POLR1C: variants seen among roughly 807,000 people sequenced by gnomAD.
POLR1C encodes the protein DNA-directed RNA polymerases I and III subunit RPAC1.
Under a neutral mutation model 38.3 loss-of-function variants are expected in POLR1C, and 42 were observed. The ratio of observed to expected loss-of-function variants is 1.10; its 90% CI spans 0.86 to 1.42. The LOEUF is 1.42. POLR1C is among the 40% of genes most tolerant of loss of function. The pLI is 0.00. For synonymous variants in POLR1C, 163 were observed against 163.9 expected (o/e 0.99, Z 0.04); for missense variants, 507 against 450.5 (o/e 1.13, Z -1.14).
intron 10 of POLR1C, among the ~76,000 whole-genome samples, chr6:43,552,769 G>A (rs1795310787): frequency 6.6e-6 from 1 of 152,178 alleles, no homozygotes; most frequent in South Asian, 2.1e-4. Context: ...TACTGATACA[G>A]TTGAGGCTCT....
rs1206744601 is a variant in POLR1C, at chr6:43,546,629, G to A, written c.*5-4339G>A. The A allele has an allele frequency of 3.1e-6, 5 of 1,613,896 alleles. No individual in the cohort carries two copies. The highest frequency in any genetic ancestry group is 1.6e-4 in the Middle Eastern group (1 of 6,062). On this transcript the variant is annotated intron_variant, in intron 9 of 10. Coordinates refer to the POLR1C transcript ENST00000607635. ...AGAATCTGCTCTGTGCAGGGGTTAC[G>A]GAAGATTGGATTTCCACTGGATGTA...
Position 43,517,126 on chromosome 6 carries a change from C to T in POLR1C, c.17C>T (p.Ala6Val), listed in dbSNP as rs769514514. ...AGATTGAAGATGGCGGCTTCTCAGG[C>T]GGTGGAGGAAATGCGGAGCCGCGTG... MAASQ[A>V]VEEMRSRVVL... The change falls in exon 1 of 9, where the codon GCG (alanine) becomes GTG (valine). Residue 6 changes from alanine to valine, a missense_variant. Physicochemically the swap from Ala to Val is moderately conservative, Grantham distance 64 (BLOSUM62 0). Coordinates refer to ENST00000642195, the MANE Select transcript of POLR1C (RefSeq NM_203290.4). 1.2e-6 allele frequency: 2 copies of T among 1,614,078 alleles called. No individual in the cohort carries two copies. Among genetic ancestry groups the T allele is most frequent in the Non-Finnish European group, 1.7e-6 (2 of 1,179,996 alleles).
chr6:43,537,974 A>G (rs1794445628), intron 9 of POLR1C, among the ~76,000 whole-genome samples: 1 of 149,350 alleles, frequency 6.7e-6, no homozygotes, highest in Admixed American at 6.7e-5. Context: ...AGGCTGAGGC[A>G]GTCGAGAGGC....
chr6:43,531,025 C>T (rs867963134), downstream of POLR1C, among the ~76,000 whole-genome samples: 16 of 152,196 alleles, frequency 1.1e-4, no homozygotes, highest in African/African-American at 3.9e-4. Context: ...GCTTTCATTA[C>T]TATTTAATGT....
Position 43,561,116 on chromosome 6 carries a change from C to CA in POLR1C, c.*49-280dup. Reference sequence around the variant, plus strand: ...ATTAAACCCTCAAAAAATGTTGTTTCAAAAGGACTTTGTATTTCCTTTTGG... The same window carrying CA: ...ATTAAACCCTCAAAAAATGTTGTTTCAAAAAGGACTTTGTATTTCCTTTTGG... On this transcript the variant is annotated intron_variant, in intron 10 of 10. Transcript: ENST00000607635. 5 of 923,628 alleles carry CA rather than the reference C, an allele frequency of 5.4e-6. No homozygotes were observed. The South Asian group carries it at 7.4e-5, about 14-fold the overall frequency. 57.2% of individuals were successfully genotyped at this position (923,628 alleles called of 1,614,324 possible).
Position 43,553,526 on chromosome 6 carries a change from T to TACACACACACAC in POLR1C, c.*48+2527_*48+2538dup, listed in dbSNP as rs111634867. On this transcript the variant is annotated intron_variant, in intron 10 of 10. Transcript: ENST00000607635. ...AAGCTTTAAAACACACACACACACA[T>TACACACACACAC]ACACACACACACACACACACACAAT... The TACACACACACAC allele has an allele frequency of 4.1e-6, 6 of 1,448,026 alleles. No individual in the cohort carries two copies. In the African/African-American group the frequency reaches 5.7e-5, roughly 14 times the overall value. 89.7% of individuals were successfully genotyped at this position (1,448,026 alleles called of 1,614,324 possible).
At chr6:43,535,682 C>T (rs1321926825) in intron 9 of POLR1C, among the ~76,000 whole-genome samples, 8 of 151,386 alleles carry the variant, frequency 5.3e-5, no homozygotes, top group South Asian at 2.1e-4. Flanking sequence ...GACATGGTGG[C>T]GGGCGCCTGT....
rs941228411 is a variant in POLR1C at position 43,529,000 on chromosome 6, G to A, written c.923-249G>A. 5.8e-6 allele frequency: 8 copies of A among 1,379,618 alleles called. No individual in the cohort carries two copies. In the African/African-American group the frequency reaches 8.7e-5, roughly 15 times the overall value. 85.5% of individuals were successfully genotyped at this position (1,379,618 alleles called of 1,614,324 possible). The stretch of plus-strand genomic sequence containing the variant: ...CTGCCAGGTGGTGGGTTGCACCCCT[G>A]GGCAGAATCAATCCCTAAAGGATTT... On this transcript the variant is annotated intron_variant, in intron 8 of 8. Transcript: ENST00000304004.
chr6:43,523,276 G>A (rs1246222019), downstream of POLR1C: 1 of 225,432 alleles, frequency 4.4e-6, no homozygotes, highest in African/African-American at 2.3e-5. Flanking sequence ...CCTGTACCAT[G>A]GATCCCATCA....
In POLR1C at chr6:43,557,127, C is replaced by CAAA. The variant is rs58974895; in HGVS notation, c.*49-4258_*49-4256dup. ...TGGGCGACAGAGCAAGACTCCATCT[C>CAAA]AAAAAAAAAAAAAAAAAGGCTGGGT... On this transcript the variant is annotated intron_variant, in intron 10 of 10. Transcript: ENST00000607635. 1.0e-3 allele frequency among the ~76,000 whole-genome samples: 64 copies of CAAA among 61,100 alleles called. 1 individual carries two copies. The highest frequency in any genetic ancestry group is 3.4e-3 in the African/African-American group (62 of 18,446). 40.1% of individuals were successfully genotyped at this position (61,100 alleles called of 152,430 possible).
downstream of POLR1C, chr6:43,526,189 C>T: frequency 2.1e-6 from 1 of 465,736 alleles, no homozygotes; most frequent in South Asian, 2.8e-5. Context: ...TGTTGTTGGA[C>T]AAATATTTGA....
intron 8 of POLR1C, chr6:43,527,562 T>A: frequency 6.7e-7 from 1 of 1,495,556 alleles, no homozygotes; most frequent in Non-Finnish European, 9.3e-7. Flanking sequence ...CAGGCCTTCA[T>A]GGAGTTGGCT....
chr6:43,520,081 C>A lies in POLR1C; in HGVS notation c.398C>A (p.Thr133Lys), dbSNP rs776224077. ...EYRNQGDEEG[T>K]EIDTLQFRLQ... is the part of the protein sequence containing the mutation. The stretch of plus-strand genomic sequence containing the variant: ...ATTTGTGCAGGAGATGAAGAAGGCA[C>A]AGAGATAGATACTCTACAGTTTCGT... The change falls in exon 5 of 9, where the codon ACA (threonine) becomes AAA (lysine). Residue 133 changes from threonine to lysine, a missense_variant. Transcript: ENST00000642195. 9 of 1,614,208 alleles carry A rather than the reference C, an allele frequency of 5.6e-6. No homozygotes were observed. The South Asian group carries it at 9.9e-5, about 18-fold the overall frequency.
rs746689926 is a variant in POLR1C, at chr6:43,520,152, T to C, written c.469T>C (p.Ser157Pro). Residue 157 changes from serine to proline, a missense_variant, in exon 5 of 9, where the codon TCT becomes CCT. Transcript: ENST00000642195. ...GAACCCCCATGCTGCTAAAGATTCC[T>C]CTGACCCCAACGAACTGTACGTGAA... ...TRNPHAAKDS[S>P]DPNELYVNHK... 3.1e-6 allele frequency: 5 copies of C among 1,614,090 alleles called. No homozygotes were observed. In the Admixed American group the frequency reaches 8.3e-5, roughly 27 times the overall value.
intron 9 of POLR1C, among the ~76,000 whole-genome samples, chr6:43,537,048 C>G (rs1794379898): frequency 6.6e-6 from 1 of 152,068 alleles, no homozygotes; most frequent in Non-Finnish European, 1.5e-5. Flanking sequence ...CTCACTGCAG[C>G]CTCAAACTCC....
chr6:43,527,853 A>T, intron 8 of POLR1C: 1 of 1,024,098 alleles, frequency 9.8e-7, no homozygotes, highest in South Asian at 1.6e-5. Flanking sequence ...GTTTTATGCA[A>T]AAGTTGGGAA....
chr6:43,519,813 C>G lies in POLR1C; in HGVS notation c.357C>G (p.Pro119=). ...RLGLIPIHAD[P]RLFEYRNQGD... is the part of the protein sequence containing the mutation. ...GGCTCATTCCCATTCATGCTGATCCCCGTCTTTTTGAGTATCGGAACCAAG... is the reference window on the plus strand; with the variant it reads ...GGCTCATTCCCATTCATGCTGATCCGCGTCTTTTTGAGTATCGGAACCAAG... Residue 119 remains proline (P), a synonymous_variant, in exon 4 of 9, where the codon CCC becomes CCG. Transcript: ENST00000642195. 1 of 1,614,122 alleles carries G rather than the reference C, an allele frequency of 6.2e-7. No homozygotes were observed. The highest frequency in any genetic ancestry group is 1.1e-5 in the South Asian group (1 of 91,068).
At chr6:43,530,743 G>A, downstream of POLR1C, 1 of 1,614,000 alleles carries the variant, frequency 6.2e-7, no homozygotes, top group East Asian at 2.2e-5. Flanking sequence ...CAAAGGCTGA[G>A]CTGAGAAGCT....
intron 2 of POLR1C, among the ~76,000 whole-genome samples, chr6:43,517,792 G>C (rs1002281550): frequency 1.3e-5 from 2 of 152,178 alleles, no homozygotes; most frequent in African/African-American, 4.8e-5. Flanking sequence ...TTTCAAGTCA[G>C]TGAAGTTCAG....
Sources: gnomAD v4.1 joint callset for allele counts (sites outside exome capture counted in the v4.1 genomes callset) on GRCh38, gnomAD v4.1.1 for gene constraint, MANE v1.5 for transcripts, NCBI Gene and HGNC (gene_info 2026-07-23, HGNC 2026-07-21) for gene names.